The following EPHA4 variants were observed in gnomAD, a reference collection of about 807,000 sequenced individuals.
EPHA4 encodes ephrin type-A receptor 4.
In EPHA4, 19 loss-of-function variants were observed where a neutral mutation model predicts 108.3. The ratio of observed to expected loss-of-function variants is 0.18; its 90% CI spans 0.12 to 0.26. EPHA4 has a LOEUF of 0.26. EPHA4 is among the 10% of genes least tolerant of loss of function. EPHA4 has a pLI of 1.00. For synonymous variants in EPHA4, 449 were observed against 455.5 expected (o/e 0.99, Z 0.18); for missense variants, 917 against 1,254.0 (o/e 0.73, Z 4.06).
At chr2:221,536,633 T>C (rs1176691270) in intron 3 of EPHA4, among the ~76,000 whole-genome samples, 1 of 152,226 alleles carries the variant, frequency 6.6e-6, no homozygotes, top group African/African-American at 2.4e-5. Flanking sequence ...TCAATTCCCT[T>C]GTCTCTCAAA....
In EPHA4 at chr2:221,566,939, AGAAGG is replaced by A. The variant is rs1559297305; in HGVS notation, c.159+1774_159+1778del. ...GAGAAGGAGAAGGAGAAGGAGAAGGAGAAGGAGAAGGAGAAGGGGAAGAGGAAGAG... is the reference window on the plus strand; with the variant it reads ...GAGAAGGAGAAGGAGAAGGAGAAGGAAGAAGGAGAAGGGGAAGAGGAAGAG... On this transcript the variant is annotated intron_variant, in intron 2 of 17. Coordinates refer to ENST00000281821, the MANE Select transcript of EPHA4 (RefSeq NM_004438.5). 7.7e-3 allele frequency among the ~76,000 whole-genome samples: 292 copies of A among 37,902 alleles called. 85 individuals are homozygous for A. Among genetic ancestry groups the A allele is most frequent in the African/African-American group, 0.025 (168 of 6,792 alleles). 24.9% of individuals were successfully genotyped at this position (37,902 alleles called of 152,430 possible).
rs1456556449 is a variant in EPHA4, at chr2:221,571,232, GACATGCACACACACACCACACAT to G, written c.91+903_91+925del. ...ACATGCAGACATGCACACACACGCA[GACATGCACACACACACCACACAT>G]ACACACACACACACACACAGTTCGC... On this transcript the variant is annotated intron_variant, in intron 1 of 17. Transcript: ENST00000281821. This position sits in a 1 kb window ranked among gnomAD's most constrained non-coding sequence, Gnocchi z 6.3. Among the ~76,000 whole-genome samples the G allele has an allele frequency of 6.7e-6, 1 of 149,092 alleles. No homozygotes were observed. Among genetic ancestry groups the G allele is most frequent in the African/African-American group, 2.5e-5 (1 of 40,030 alleles).
intron 3 of EPHA4, among the ~76,000 whole-genome samples, chr2:221,504,438 T>C (rs1201612907): frequency 6.6e-6 from 1 of 152,120 alleles, no homozygotes; most frequent in Admixed American, 6.5e-5. Context: ...TAAGATAGTC[T>C]TGGTAACGTA....
At chr2:221,532,964 A>AG (rs1448471614) in intron 3 of EPHA4, 1 of 152,208 alleles carries the variant, frequency 6.6e-6, no homozygotes, top group Non-Finnish European at 1.5e-5. Flanking sequence ...GGCCTTCTGT[A>AG]GGGGGAGTCG....
intron 4 of EPHA4, among the ~76,000 whole-genome samples, chr2:221,495,001 C>CAAAAAAAAAAAAA (rs5838887): frequency 2.3e-5 from 2 of 85,524 alleles, no homozygotes; most frequent in Non-Finnish European, 4.6e-5. Context: ...GCAATGTTGC[C>CAAAAAAAAAAAAA]AAAAAAAAAA....
At chr2:221,504,537 TTTTATATA>T (rs1235345391) in intron 3 of EPHA4, among the ~76,000 whole-genome samples, 5 of 17,220 alleles carry the variant, frequency 2.9e-4, no homozygotes, top group African/African-American at 7.1e-4. Flanking sequence ...TATTTGAAAA[TTTTATATA>T]TATATATATA....
At chr2:221,444,005 T>C (rs1164872026) in intron 9 of EPHA4, among the ~76,000 whole-genome samples, 1 of 152,224 alleles carries the variant, frequency 6.6e-6, no homozygotes, top group Non-Finnish European at 1.5e-5. Context: ...CATTTTAATT[T>C]CAAACAGCTC....
At chr2:221,452,899 G>A (rs939972985) in intron 8 of EPHA4, among the ~76,000 whole-genome samples, 6 of 152,284 alleles carry the variant, frequency 3.9e-5, no homozygotes, top group South Asian at 2.1e-4. Flanking sequence ...GCTATTTTCC[G>A]TAGTCACGGC....
intron 11 of EPHA4, among the ~76,000 whole-genome samples, chr2:221,440,295 T>G (rs1408563350): frequency 6.6e-6 from 1 of 152,106 alleles, no homozygotes; most frequent in African/African-American, 2.4e-5. Context: ...AGAGGCGCGG[T>G]GGGACTTTAA....
intron 11 of EPHA4, among the ~76,000 whole-genome samples, chr2:221,438,752 TGAAGCCTGGGTGACAGAGTGA>T (rs1394451019): frequency 6.6e-6 from 1 of 152,082 alleles, no homozygotes; most frequent in Non-Finnish European, 1.5e-5. Context: ...GCCACTGCAC[TGAAGCCTGGGTGACAGAGTGA>T]GAGTCATTCT....
At chr2:221,497,699 G>T (rs1397674585) in intron 4 of EPHA4, among the ~76,000 whole-genome samples, 1 of 151,930 alleles carries the variant, frequency 6.6e-6, no homozygotes, top group African/African-American at 2.4e-5. Context: ...TCACACCACT[G>T]CACTCCAGCC....
intron 3 of EPHA4, among the ~76,000 whole-genome samples, chr2:221,556,411 C>T (rs1373291324): frequency 6.6e-6 from 1 of 151,860 alleles, no homozygotes; most frequent in Non-Finnish European, 1.5e-5. Flanking sequence ...ATTCTCCTGG[C>T]TCAGCCTACT....
chr2:221,550,471 C>A (rs576534927), intron 3 of EPHA4, among the ~76,000 whole-genome samples: 18 of 146,274 alleles, frequency 1.2e-4, no homozygotes, highest in African/African-American at 4.5e-4. Flanking sequence ...ACTAATGTCA[C>A]CTGGATATTT....
At chr2:221,488,336 CCT>C (rs1390017936) in intron 4 of EPHA4, among the ~76,000 whole-genome samples, 3 of 152,106 alleles carry the variant, frequency 2.0e-5, no homozygotes, top group Non-Finnish European at 1.5e-5. Flanking sequence ...TCCAGGAACC[CCT>C]GATTAACCTA....
intron 17 of EPHA4, among the ~76,000 whole-genome samples, chr2:221,424,972 A>G (rs1362446053): frequency 2.7e-5 from 4 of 150,104 alleles, no homozygotes; most frequent in Admixed American, 2.6e-4. Flanking sequence ...CATCCCTCAG[A>G]GCCTGACCTC....
At chr2:221,520,916 T>A (rs369013676) in intron 3 of EPHA4, among the ~76,000 whole-genome samples, 1 of 152,230 alleles carries the variant, frequency 6.6e-6, no homozygotes, top group African/African-American at 2.4e-5. Flanking sequence ...ACACATTCAA[T>A]AAGTCTTTAA....
At chr2:221,482,735 C>G in intron 4 of EPHA4, 45 bp from the exon 5 acceptor site, 1 of 1,491,286 alleles carries the variant, frequency 6.7e-7, no homozygotes, top group South Asian at 1.3e-5. Context: ...CCGAAATACC[C>G]TTTTGGAATC....
intron 14 of EPHA4, among the ~76,000 whole-genome samples, chr2:221,432,646 A>ACTTT (rs1553567938): frequency 7.0e-6 from 1 of 142,082 alleles, no homozygotes; most frequent in Non-Finnish European, 1.5e-5. Flanking sequence ...TGCACCGAAC[A>ACTTT]TTTTTTTTTT....
chr2:221,552,412 T>G (rs549109720), intron 3 of EPHA4, among the ~76,000 whole-genome samples: 1 of 152,316 alleles, frequency 6.6e-6, no homozygotes, highest in Admixed American at 6.5e-5. Context: ...ATCTGGGCAC[T>G]AGATCAAGCT....
Sources: gnomAD v4.1 joint callset for allele counts (sites outside exome capture counted in the v4.1 genomes callset) on GRCh38, gnomAD v4.1.1 for gene constraint, Gnocchi (gnomAD v3.1) non-coding constraint, MANE v1.5 for transcripts, NCBI Gene and HGNC (gene_info 2026-07-23, HGNC 2026-07-21) for gene names.